CTNNA2: variants seen among roughly 807,000 people sequenced by gnomAD.
The protein encoded by CTNNA2 is catenin alpha-2.
A neutral mutation model predicts 101.0 loss-of-function variants in CTNNA2; 42 were observed. That is an observed-to-expected ratio of 0.42 (90% CI 0.32 to 0.54). The LOEUF is 0.54. Ranked by LOEUF, CTNNA2 falls within the 20% of genes least tolerant of loss-of-function variation. The probability of loss-of-function intolerance (pLI) is 0.14; values close to 1 mark genes in which losing one functional copy is unlikely to be tolerated. For synonymous variants in CTNNA2, 450 were observed against 456.4 expected, an observed-to-expected ratio of 0.99 and a Z score of 0.18; for missense variants, 871 against 1,223.1, an observed-to-expected ratio of 0.71 and a Z score of 4.29.
intron 7 of CTNNA2, among the ~76,000 whole-genome samples, chr2:80,166,925 G>C (rs1312257958): frequency 6.6e-6 from 1 of 151,498 alleles, no homozygotes; most frequent in Non-Finnish European, 1.5e-5. Context: ...TTTTTTGTCT[G>C]TGCCGTCAGC....
chr2:79,997,014 G>A (rs1031561735), intron 7 of CTNNA2, among the ~76,000 whole-genome samples: 1 of 152,096 alleles, frequency 6.6e-6, no homozygotes, highest in Non-Finnish European at 1.5e-5. Flanking sequence ...GCCAGAGTAA[G>A]AACCAGGTCA....
At chr2:80,343,585 G>T (rs983326809) in intron 7 of CTNNA2, among the ~76,000 whole-genome samples, 1 of 152,050 alleles carries the variant, frequency 6.6e-6, no homozygotes, top group Non-Finnish European at 1.5e-5. Context: ...CCATTTCTTT[G>T]ATCGTCTTGG....
intron 7 of CTNNA2, among the ~76,000 whole-genome samples, chr2:79,936,222 T>A (rs1451638615): frequency 2.2e-5 from 3 of 139,394 alleles, no homozygotes; most frequent in East Asian, 4.5e-4. Flanking sequence ...GAGTTTGTTT[T>A]TTTTTATTTT....
At chr2:79,835,666 G>GTTTTTTGTTTTTTGTTT (rs1679276639) in intron 3 of CTNNA2, among the ~76,000 whole-genome samples, 1 of 58,618 alleles carries the variant, frequency 1.7e-5, no homozygotes, top group African/African-American at 7.3e-5. Flanking sequence ...GCCTCTCTTT[G>GTTTTTTGTTTTTTGTTT]TTTTTTTTTT....
intron 5 of CTNNA2, among the ~76,000 whole-genome samples, chr2:79,871,724 C>T (rs142451179): frequency 8.8e-4 from 134 of 152,264 alleles, no homozygotes; most frequent in African/African-American, 2.9e-3. Context: ...CTTCTAGATA[C>T]CCCTCAATCC....
intron 7 of CTNNA2, among the ~76,000 whole-genome samples, chr2:80,241,499 C>T (rs1297795582): frequency 6.6e-6 from 1 of 151,852 alleles, no homozygotes; most frequent in East Asian, 1.9e-4. Context: ...CTATACAGGT[C>T]CATGAACACC....
intron 1 of CTNNA2, among the ~76,000 whole-genome samples, chr2:79,549,503 A>G (rs777143686): frequency 6.6e-6 from 1 of 152,228 alleles, no homozygotes; most frequent in Non-Finnish European, 1.5e-5. Context: ...GTTTAACCCT[A>G]GTGCCAGATT....
chr2:80,234,103 G>T (rs1336051056), intron 7 of CTNNA2, among the ~76,000 whole-genome samples: 2 of 151,736 alleles, frequency 1.3e-5, no homozygotes, highest in Non-Finnish European at 2.9e-5. Context: ...CTGGAATGCA[G>T]TGGCACCATC....
At chr2:80,536,657 C>T (rs1296328624) in intron 9 of CTNNA2, among the ~76,000 whole-genome samples, 2 of 152,200 alleles carry the variant, frequency 1.3e-5, no homozygotes, top group Non-Finnish European at 2.9e-5. Context: ...TACTTCATAT[C>T]ACGTTGGAGT....
intron 4 of CTNNA2, among the ~76,000 whole-genome samples, chr2:79,410,527 G>T (rs1678397301): frequency 6.6e-6 from 1 of 152,110 alleles, no homozygotes; most frequent in Non-Finnish European, 1.5e-5. Flanking sequence ...GGTGAATTTT[G>T]TCAAAGTTCT....
chr2:79,877,410 T>C (rs1396327857), intron 6 of CTNNA2, among the ~76,000 whole-genome samples: 1 of 152,348 alleles, frequency 6.6e-6, no homozygotes, highest in East Asian at 1.9e-4. Context: ...CCATCACTTC[T>C]GACATCAGCA....
At chr2:79,672,964 T>C (rs1682946072) in intron 2 of CTNNA2, among the ~76,000 whole-genome samples, 1 of 152,048 alleles carries the variant, frequency 6.6e-6, no homozygotes. Context: ...TGCCTCGGCC[T>C]CCCAAAGTGC....
intron 1 of CTNNA2, among the ~76,000 whole-genome samples, chr2:79,642,314 CG>C (rs754869219): frequency 1.8e-4 from 27 of 152,204 alleles, no homozygotes; most frequent in Middle Eastern, 3.4e-3. Flanking sequence ...TTAGCAATAG[CG>C]GAGATACCCG....
rs550923943 is a variant in CTNNA2 at position 80,627,084 on chromosome 2, T to C, written c.2574+7856T>C. ...GCTGCATAGTATTCCATGGTGTATATGTGCCACATTTTCTTAACCCATTCT... is the reference window on the plus strand; with the variant it reads ...GCTGCATAGTATTCCATGGTGTATACGTGCCACATTTTCTTAACCCATTCT... On this transcript the variant is annotated intron_variant, in intron 18 of 18. Transcript: ENST00000402739. Among the ~76,000 whole-genome samples, 14 of 152,336 alleles carry C rather than the reference T, an allele frequency of 9.2e-5. No homozygotes were observed. The South Asian group carries it at 2.5e-3, about 27-fold the overall frequency.
chr2:80,173,600 G>A (rs1412740389), intron 7 of CTNNA2, among the ~76,000 whole-genome samples: 1 of 152,204 alleles, frequency 6.6e-6, no homozygotes, highest in Non-Finnish European at 1.5e-5. Flanking sequence ...CACTGGAGAA[G>A]GTATAGTTTC....
intron 8 of CTNNA2, among the ~76,000 whole-genome samples, chr2:80,398,128 A>C (rs1413954537): frequency 1.3e-5 from 2 of 152,196 alleles, no homozygotes; most frequent in Non-Finnish European, 2.9e-5. Context: ...TCTTTTTAAA[A>C]AGTGCAATTA....
intron 18 of CTNNA2, among the ~76,000 whole-genome samples, chr2:80,628,029 T>A (rs1671867166): frequency 6.6e-6 from 1 of 151,988 alleles, no homozygotes; most frequent in Non-Finnish European, 1.5e-5. Context: ...ACAAAGAGAA[T>A]AAAATACCTA....
At chr2:79,706,268 C>A (rs891281956) in intron 2 of CTNNA2, among the ~76,000 whole-genome samples, 1 of 146,468 alleles carries the variant, frequency 6.8e-6, no homozygotes, top group Non-Finnish European at 1.5e-5. Context: ...GAGGCTGAGG[C>A]GGGACAATGG....
At chr2:80,157,889 A>C (rs1256871561) in intron 7 of CTNNA2, among the ~76,000 whole-genome samples, 1 of 152,122 alleles carries the variant, frequency 6.6e-6, no homozygotes, top group Non-Finnish European at 1.5e-5. Flanking sequence ...AGCACTCCCC[A>C]ATCAAAGATC....
Sources: gnomAD v4.1 joint callset for allele counts (sites outside exome capture counted in the v4.1 genomes callset) on GRCh38, gnomAD v4.1.1 for gene constraint, MANE v1.5 for transcripts, NCBI Gene and HGNC (gene_info 2026-07-23, HGNC 2026-07-21) for gene names.